RAB31: variants seen among roughly 807,000 people sequenced by gnomAD.
RAB31 encodes the protein RAB31, member RAS oncogene family.
RAB31 carries 21 observed loss-of-function variants against 25.6 expected under a neutral mutation model. That is an observed-to-expected ratio of 0.82 (90% confidence interval 0.58 to 1.18). RAB31 has a LOEUF of 1.18. Ranked by LOEUF, RAB31 falls within the 50% of genes most tolerant of loss-of-function variation. The pLI is 0.00. For missense variants in RAB31, 196 were observed against 250.1 expected (o/e 0.78, Z 1.46); for synonymous variants, 87 against 84.0 (o/e 1.04, Z -0.20).
chr18:9,720,252 C>A (rs1281651189), intron 1 of RAB31, among the ~76,000 whole-genome samples: 2 of 152,238 alleles, frequency 1.3e-5, no homozygotes, highest in Non-Finnish European at 2.9e-5. Flanking sequence ...GCGTGAGCCA[C>A]CACACCCAGC....
intron 1 of RAB31, among the ~76,000 whole-genome samples, chr18:9,728,569 A>G (rs1487350209): frequency 1.3e-5 from 2 of 152,184 alleles, no homozygotes; most frequent in African/African-American, 4.8e-5. Flanking sequence ...ACAGGGGCTC[A>G]TTCCATCACC....
At chr18:9,841,144 C>G (rs953803622) in intron 5 of RAB31, among the ~76,000 whole-genome samples, 1 of 152,070 alleles carries the variant, frequency 6.6e-6, no homozygotes, top group African/African-American at 2.4e-5. Context: ...GCTGCTGATG[C>G]TGGTCATGAA....
At chr18:9,831,958 C>T (rs1450363093) in intron 5 of RAB31, among the ~76,000 whole-genome samples, 1 of 152,156 alleles carries the variant, frequency 6.6e-6, no homozygotes, top group African/African-American at 2.4e-5. Flanking sequence ...TTGGTAGCCA[C>T]GGAGGGCCTG....
intron 1 of RAB31, among the ~76,000 whole-genome samples, chr18:9,744,513 G>T (rs1429086681): frequency 6.6e-6 from 1 of 152,110 alleles, no homozygotes; most frequent in Non-Finnish European, 1.5e-5. Context: ...ATCTGTATGA[G>T]AGTTGATTTT....
At chr18:9,770,361 G>A (rs11665559) in intron 1 of RAB31, among the ~76,000 whole-genome samples, 10,082 of 152,282 alleles carry the variant, frequency 0.066, 456 homozygotes, top group East Asian at 0.17. Context: ...TCAAGTGTTA[G>A]TGCTTGGTTT....
At chr18:9,755,686 T>G (rs2145480785) in intron 1 of RAB31, among the ~76,000 whole-genome samples, 1 of 152,318 alleles carries the variant, frequency 6.6e-6, no homozygotes, top group Non-Finnish European at 1.5e-5. Flanking sequence ...TGGATTTAGG[T>G]TGTTACCAGG....
chr18:9,788,883 T>A, intron 2 of RAB31, among the ~76,000 whole-genome samples: 1 of 152,188 alleles, frequency 6.6e-6, no homozygotes, highest in East Asian at 1.9e-4. Context: ...GGCAGGAGAA[T>A]CGCATGAACC....
At chr18:9,806,138 G>T (rs576542555) in intron 3 of RAB31, among the ~76,000 whole-genome samples, 1 of 149,898 alleles carries the variant, frequency 6.7e-6, no homozygotes, top group African/African-American at 2.5e-5. Flanking sequence ...GATGGCGCCA[G>T]TGCACTCCAG....
chr18:9,837,016 G>A (rs72477244), intron 5 of RAB31, among the ~76,000 whole-genome samples: 5,140 of 151,640 alleles, frequency 0.034, 120 homozygotes, highest in East Asian at 0.11. Context: ...GTCTGTGTGT[G>A]TGGAATGGGG....
chr18:9,799,831 G>T (rs2068504880), intron 3 of RAB31, among the ~76,000 whole-genome samples: 1 of 152,144 alleles, frequency 6.6e-6, no homozygotes, highest in South Asian at 2.1e-4. Flanking sequence ...CCCATTTGTT[G>T]GAAGCTTGAC....
intron 5 of RAB31, among the ~76,000 whole-genome samples, chr18:9,840,392 C>A (rs1220892789): frequency 6.6e-6 from 1 of 152,110 alleles, no homozygotes; most frequent in Non-Finnish European, 1.5e-5. Flanking sequence ...AAAAAATAAA[C>A]AAAAGTCACG....
intron 2 of RAB31, among the ~76,000 whole-genome samples, chr18:9,783,215 C>G (rs2068414288): frequency 6.6e-6 from 1 of 152,138 alleles, no homozygotes; most frequent in Non-Finnish European, 1.5e-5. Flanking sequence ...CTATTCAATG[C>G]AGAGTAGGTA....
chr18:9,735,008 CGTCGTTGTT>C (rs943311409), intron 1 of RAB31: 6 of 201,846 alleles, frequency 3.0e-5, no homozygotes, highest in African/African-American at 1.4e-4. Flanking sequence ...TTTTTGTTGT[CGTCGTTGTT>C]GTTGTTTTGT....
intron 1 of RAB31, among the ~76,000 whole-genome samples, chr18:9,745,961 G>C (rs2068203402): frequency 6.6e-6 from 1 of 152,186 alleles, no homozygotes; most frequent in South Asian, 2.1e-4. Flanking sequence ...CATCTGAATA[G>C]AGAAGAAAGA....
chr18:9,814,773 T>A, intron 4 of RAB31: 1 of 181,148 alleles, frequency 5.5e-6, no homozygotes, highest in Non-Finnish European at 1.2e-5. Flanking sequence ...TAAATATATA[T>A]GTTTCTTCCT....
intron 2 of RAB31, among the ~76,000 whole-genome samples, chr18:9,778,702 C>G (rs1005995171): frequency 1.3e-5 from 2 of 152,106 alleles, no homozygotes; most frequent in African/African-American, 4.8e-5. Context: ...AACTCCTGAC[C>G]TCAGGTGATC....
chr18:9,821,864 A>G (rs1221439217), intron 5 of RAB31, among the ~76,000 whole-genome samples: 1 of 152,212 alleles, frequency 6.6e-6, no homozygotes, highest in Admixed American at 6.5e-5. Flanking sequence ...AAGTCTCAAC[A>G]TAGTAAAGAT....
chr18:9,727,016 T>C (rs28639965), intron 1 of RAB31, among the ~76,000 whole-genome samples: 13,131 of 152,066 alleles, frequency 0.086, 1,281 homozygotes, highest in African/African-American at 0.23. Context: ...AGGATCTTTG[T>C]TTTTTTTAGG....
intron 1 of RAB31, among the ~76,000 whole-genome samples, chr18:9,731,595 G>GTTTTT (rs2068122925): frequency 2.4e-5 from 2 of 81,732 alleles, no homozygotes; most frequent in Admixed American, 1.2e-4. Context: ...CTGGGAATTT[G>GTTTTT]CTTTTTTTTT....
Sources: gnomAD v4.1 joint callset for allele counts (sites outside exome capture counted in the v4.1 genomes callset) on GRCh38, gnomAD v4.1.1 for gene constraint, MANE v1.5 for transcripts, NCBI Gene and HGNC (gene_info 2026-07-23, HGNC 2026-07-21) for gene names.